The following LUZP2 variants were observed in gnomAD, a reference collection of about 807,000 sequenced individuals.
LUZP2 encodes the protein leucine zipper protein 2.
A neutral mutation model predicts 51.6 loss-of-function variants in LUZP2; 52 were observed. That is an observed-to-expected ratio of 1.01 (90% confidence interval 0.81 to 1.27). The LOEUF (loss-of-function observed/expected upper bound fraction) is 1.27. LUZP2 is among the 50% of genes most tolerant of loss of function. LUZP2 has a pLI of 0.00. For missense variants in LUZP2, 436 were observed against 395.4 expected (o/e 1.10, Z -0.87); for synonymous variants, 154 against 137.3 (o/e 1.12, Z -0.85).
chr11:24,957,664 A>G (rs1855249037), intron 7 of LUZP2, among the ~76,000 whole-genome samples: 1 of 152,178 alleles, frequency 6.6e-6, no homozygotes, highest in Non-Finnish European at 1.5e-5. Context: ...GTTGTTACAA[A>G]TGACAAAATT....
At chr11:24,555,449 T>A (rs1447357375) in intron 1 of LUZP2, among the ~76,000 whole-genome samples, 3 of 152,150 alleles carry the variant, frequency 2.0e-5, no homozygotes, top group Non-Finnish European at 4.4e-5. Flanking sequence ...CTATCAGCCA[T>A]CTTTATTATA....
intron 1 of LUZP2, among the ~76,000 whole-genome samples, chr11:24,573,053 A>G (rs1322281769): frequency 1.3e-5 from 2 of 152,020 alleles, no homozygotes; most frequent in Non-Finnish European, 2.9e-5. Context: ...GCATGAGACC[A>G]TGATAGGTGG....
chr11:24,573,307 C>T (rs1381003047), intron 1 of LUZP2, among the ~76,000 whole-genome samples: 1 of 152,026 alleles, frequency 6.6e-6, no homozygotes, highest in Non-Finnish European at 1.5e-5. Context: ...AGTATATTAA[C>T]TCAGAGCTTG....
intron 7 of LUZP2, among the ~76,000 whole-genome samples, chr11:24,945,476 T>C (rs540478195): frequency 1.1e-4 from 17 of 152,046 alleles, no homozygotes; most frequent in South Asian, 6.2e-4. Context: ...TATTCCACAC[T>C]ATCAAAAGAA....
chr11:24,787,777 C>T (rs958456252), intron 5 of LUZP2, among the ~76,000 whole-genome samples: 3 of 152,126 alleles, frequency 2.0e-5, no homozygotes, highest in East Asian at 1.9e-4. Context: ...AAAGCTAGGT[C>T]ATCAATGCAA....
At chr11:24,562,548 T>C (rs1852079614) in intron 1 of LUZP2, among the ~76,000 whole-genome samples, 3 of 151,616 alleles carry the variant, frequency 2.0e-5, no homozygotes, top group Admixed American at 6.6e-5. Flanking sequence ...ACCCATTAAA[T>C]AGGGACAATA....
At chr11:24,566,944 AAT>A (rs1479537412) in intron 1 of LUZP2, among the ~76,000 whole-genome samples, 6 of 2,670 alleles carry the variant, frequency 2.2e-3, no homozygotes, top group African/African-American at 8.7e-3. Context: ...TATATACATA[AAT>A]ATATATATAT....
At chr11:24,568,326 C>G (rs537371449) in intron 1 of LUZP2, among the ~76,000 whole-genome samples, 5 of 138,260 alleles carry the variant, frequency 3.6e-5, no homozygotes, top group African/African-American at 1.3e-4. Flanking sequence ...TGCCACTGCA[C>G]TAGGCTGACA....
chr11:24,515,837 G>A (rs1254990102), intron 1 of LUZP2, among the ~76,000 whole-genome samples: 1 of 152,194 alleles, frequency 6.6e-6, no homozygotes, highest in African/African-American at 2.4e-5. Flanking sequence ...TACAACCTGT[G>A]CTCCAGAGCT....
chr11:24,956,474 C>G (rs1354084823), intron 7 of LUZP2, among the ~76,000 whole-genome samples: 1 of 152,098 alleles, frequency 6.6e-6, no homozygotes, highest in Non-Finnish European at 1.5e-5. Flanking sequence ...CTAATATAAT[C>G]TGCTATTGGC....
rs1437352219 is a variant in LUZP2, at chr11:25,078,491, A to C, written c.937-63A>C. Reference sequence around the variant, plus strand: ...CCATTCTTATTCTTTTAGACTTTTCAATTTTTACCTTAAAATGTGTTATTT... The same window carrying C: ...CCATTCTTATTCTTTTAGACTTTTCCATTTTTACCTTAAAATGTGTTATTT... On this transcript the variant is annotated intron_variant, in intron 11 of 11. Coordinates refer to ENST00000336930, the MANE Select transcript of LUZP2 (RefSeq NM_001009909.4). The C allele has an allele frequency of 3.0e-6, 4 of 1,344,920 alleles. No homozygotes were observed. The Admixed American group carries it at 6.1e-5, about 20-fold the overall frequency. 83.3% of individuals were successfully genotyped at this position (1,344,920 alleles called of 1,614,324 possible). A position where few individuals can be genotyped will look rare whatever the true frequency, so the allele number is the denominator to read the frequency against.
intron 9 of LUZP2, among the ~76,000 whole-genome samples, chr11:24,991,786 A>G (rs1856354185): frequency 6.6e-6 from 1 of 151,966 alleles, no homozygotes. Flanking sequence ...GAGGTATTGC[A>G]TTGTGGTTTT....
chr11:24,840,599 A>G (rs1315047126), intron 5 of LUZP2, among the ~76,000 whole-genome samples: 1 of 151,926 alleles, frequency 6.6e-6, no homozygotes. Context: ...ATTCTGATCC[A>G]TAGCTCTACT....
intron 1 of LUZP2, among the ~76,000 whole-genome samples, chr11:24,618,835 G>A (rs550878224): frequency 7.2e-5 from 11 of 151,992 alleles, no homozygotes; most frequent in Middle Eastern, 3.4e-3. Context: ...AACGGAATAC[G>A]CCTAATTTTA....
chr11:24,988,992 C>A (rs1856259097), intron 9 of LUZP2, among the ~76,000 whole-genome samples: 1 of 151,352 alleles, frequency 6.6e-6, no homozygotes, highest in Non-Finnish European at 1.5e-5. Flanking sequence ...AGGGAGGCAG[C>A]CATAGGAGGC....
chr11:24,925,237 G>A (rs1854190417), intron 7 of LUZP2, among the ~76,000 whole-genome samples: 1 of 152,148 alleles, frequency 6.6e-6, no homozygotes, highest in Admixed American at 6.5e-5. Context: ...CTGGACAGCT[G>A]TGCCTGGATT....
intron 9 of LUZP2, among the ~76,000 whole-genome samples, chr11:24,986,242 A>G (rs1477941785): frequency 6.6e-6 from 1 of 151,710 alleles, no homozygotes; most frequent in African/African-American, 2.4e-5. Flanking sequence ...AAATACAGGC[A>G]TTATTAAATA....
intron 9 of LUZP2, among the ~76,000 whole-genome samples, chr11:25,010,431 C>T (rs1856948025): frequency 6.6e-6 from 1 of 152,028 alleles, no homozygotes; most frequent in Non-Finnish European, 1.5e-5. Flanking sequence ...ACCTGTCATC[C>T]TAGCTACTCA....
chr11:24,539,996 T>C (rs1350301918), intron 1 of LUZP2, among the ~76,000 whole-genome samples: 1 of 152,090 alleles, frequency 6.6e-6, no homozygotes, highest in East Asian at 1.9e-4. Flanking sequence ...ATATATATTC[T>C]CATTACATGA....
Sources: gnomAD v4.1 joint callset for allele counts (sites outside exome capture counted in the v4.1 genomes callset) on GRCh38, gnomAD v4.1.1 for gene constraint, MANE v1.5 for transcripts, NCBI Gene and HGNC (gene_info 2026-07-23, HGNC 2026-07-21) for gene names.